KHDRBS2: variants seen among roughly 807,000 people sequenced by gnomAD.
KHDRBS2 encodes the protein KH domain-containing, RNA-binding, signal transduction-associated protein 2.
In KHDRBS2, 26 loss-of-function variants were observed where a neutral mutation model predicts 44.3. The ratio of observed to expected loss-of-function variants is 0.59; its 90% CI spans 0.43 to 0.81. The LOEUF is 0.81. Ranked by LOEUF, KHDRBS2 falls within the 40% of genes least tolerant of loss-of-function variation. The pLI, the probability that KHDRBS2 is intolerant of heterozygous loss-of-function variation, is 0.00. For synonymous variants in KHDRBS2, 194 were observed against 151.1 expected, an observed-to-expected ratio of 1.28 and a Z score of -2.08; for missense variants, 476 against 433.1, an observed-to-expected ratio of 1.10 and a Z score of -0.88.
chr6:61,715,195 G>A (rs979126662), intron 7 of KHDRBS2, among the ~76,000 whole-genome samples: 8 of 151,792 alleles, frequency 5.3e-5, no homozygotes, highest in South Asian at 4.2e-4. Context: ...AACAACGAAC[G>A]CATAGAAATG....
At chr6:61,986,110 T>G (rs1001830163) in intron 3 of KHDRBS2, among the ~76,000 whole-genome samples, 1 of 152,216 alleles carries the variant, frequency 6.6e-6, no homozygotes, top group African/African-American at 2.4e-5. Flanking sequence ...GAAAGTTGTT[T>G]AATTTTTAAG....
At chr6:61,938,606 T>G (rs1272837042) in intron 4 of KHDRBS2, among the ~76,000 whole-genome samples, 1 of 152,164 alleles carries the variant, frequency 6.6e-6, no homozygotes, top group Non-Finnish European at 1.5e-5. Flanking sequence ...ATGAGAGAAC[T>G]GTGAAAGGAA....
chr6:62,235,787 C>T (rs189046035), intron 1 of KHDRBS2, among the ~76,000 whole-genome samples: 104 of 152,188 alleles, frequency 6.8e-4, no homozygotes, highest in African/African-American at 2.4e-3. Flanking sequence ...TATATCACAA[C>T]TCTTCCATGG....
intron 6 of KHDRBS2, among the ~76,000 whole-genome samples, chr6:61,803,635 A>C (rs186716991): frequency 1.7e-3 from 255 of 152,214 alleles, no homozygotes; most frequent in South Asian, 2.3e-3. Context: ...TTGGATCCTC[A>C]TTACTTATGC....
chr6:61,824,310 T>A (rs1790496922), intron 6 of KHDRBS2, among the ~76,000 whole-genome samples: 1 of 152,106 alleles, frequency 6.6e-6, no homozygotes, highest in Admixed American at 6.6e-5. Context: ...CCTTGTGCTG[T>A]CTCGTGATAG....
intron 1 of KHDRBS2, among the ~76,000 whole-genome samples, chr6:62,240,424 T>C (rs1585365769): frequency 6.6e-6 from 1 of 151,768 alleles, no homozygotes; most frequent in Non-Finnish European, 1.5e-5. Context: ...AAAAATTAAG[T>C]TGTGGGTACT....
the KHDRBS2 span, among the ~76,000 whole-genome samples, chr6:61,565,310 A>G: frequency 1.3e-5 from 2 of 152,178 alleles, no homozygotes; most frequent in Non-Finnish European, 2.9e-5. Flanking sequence ...GCAAAAATGG[A>G]CAAATGGGAT....
intron 2 of KHDRBS2, among the ~76,000 whole-genome samples, chr6:62,056,071 C>A (rs1790218797): frequency 6.6e-6 from 1 of 151,986 alleles, no homozygotes; most frequent in African/African-American, 2.4e-5. Context: ...GTTGGTGGAA[C>A]TTTCCTGAAG....
intron 4 of KHDRBS2, among the ~76,000 whole-genome samples, chr6:61,918,373 G>A (rs545934103): frequency 2.4e-4 from 36 of 151,952 alleles, no homozygotes; most frequent in East Asian, 3.9e-4. Context: ...AAATTCAAAT[G>A]TTAACTAACC....
intron 6 of KHDRBS2, among the ~76,000 whole-genome samples, chr6:61,736,820 TTC>T (rs2127562284): frequency 6.6e-6 from 1 of 152,164 alleles, no homozygotes; most frequent in East Asian, 1.9e-4. Flanking sequence ...TAACCCTTAG[TTC>T]CCCGAATTCC....
rs116470425 is a variant in KHDRBS2, at chr6:62,255,220, T to G, written c.91+30638A>C. On this transcript the variant is annotated intron_variant, in intron 1 of 8. Coordinates refer to ENST00000281156, the MANE Select transcript of KHDRBS2 (RefSeq NM_152688.4). ...CACATTTTCTCATAGAAACAAAAAA[T>G]GTAGCTACTTTTTTAGGGTAGCCTG... 4.6e-3 allele frequency among the ~76,000 whole-genome samples: 706 copies of G among 152,126 alleles called. 7 individuals carry two copies. Among genetic ancestry groups the G allele is most frequent in the African/African-American group, 0.016 (670 of 41,534 alleles).
chr6:62,041,900 G>A (rs866848891), intron 3 of KHDRBS2, among the ~76,000 whole-genome samples: 3 of 151,752 alleles, frequency 2.0e-5, no homozygotes, highest in Non-Finnish European at 4.4e-5. Flanking sequence ...TCTTTCTAAG[G>A]TCACAGGCAC....
chr6:62,231,498 G>T (rs1015441343), intron 1 of KHDRBS2, among the ~76,000 whole-genome samples: 2 of 152,094 alleles, frequency 1.3e-5, no homozygotes, highest in African/African-American at 4.8e-5. Context: ...GGGATTAGAG[G>T]TCCTTTCCTT....
At position 62,233,898 on chromosome 6, in the gene KHDRBS2, T is replaced by A. The variant is rs142084311; in HGVS notation, c.91+51960A>T. ...ATCCAGTCTACCATTGATGGGGATT[T>A]AGGTTGATTCCATGTCTCTGCTATT... On this transcript the variant is annotated intron_variant, in intron 1 of 8. Transcript: ENST00000281156. 8.0e-3 allele frequency among the ~76,000 whole-genome samples: 1,214 copies of A among 152,272 alleles called. 16 individuals carry two copies. Among genetic ancestry groups the A allele is most frequent in the African/African-American group, 0.028 (1,149 of 41,558 alleles).
chr6:62,049,808 G>A (rs1354989143), intron 2 of KHDRBS2, among the ~76,000 whole-genome samples: 2 of 152,102 alleles, frequency 1.3e-5, no homozygotes, highest in African/African-American at 4.8e-5. Flanking sequence ...TGGTGAGGCT[G>A]TGAAGAAATA....
At chr6:62,106,743 C>T (rs941640230) in intron 2 of KHDRBS2, among the ~76,000 whole-genome samples, 2 of 152,122 alleles carry the variant, frequency 1.3e-5, no homozygotes, top group African/African-American at 4.8e-5. Flanking sequence ...GCTTATCCAC[C>T]ATGGTCAAGT....
intron 4 of KHDRBS2, among the ~76,000 whole-genome samples, chr6:61,975,680 C>CACAGAG (rs148696826): frequency 4.4e-4 from 66 of 149,860 alleles, no homozygotes; most frequent in Non-Finnish European, 8.6e-4. Flanking sequence ...CACACACACA[C>CACAGAG]AGAGAGATAT....
chr6:61,906,145 G>A (rs762637780), intron 4 of KHDRBS2, among the ~76,000 whole-genome samples: 4 of 151,868 alleles, frequency 2.6e-5, no homozygotes, highest in South Asian at 2.1e-4. Flanking sequence ...CGCGCCTGGC[G>A]GAAAACATTT....
chr6:61,783,061 G>A (rs1283219599), intron 6 of KHDRBS2, among the ~76,000 whole-genome samples: 1 of 151,994 alleles, frequency 6.6e-6, no homozygotes, highest in Non-Finnish European at 1.5e-5. Flanking sequence ...TTATGGATGT[G>A]TAACATTATT....
Sources: allele counts gnomAD v4.1 joint callset (sites outside exome capture counted in the v4.1 genomes callset), GRCh38; gene constraint gnomAD v4.1.1; transcripts MANE v1.5; gene names NCBI Gene and HGNC (gene_info 2026-07-23, HGNC 2026-07-21).